The following ALMS1 variants were observed in gnomAD, a reference collection of about 807,000 sequenced individuals.
ALMS1 encodes the protein centrosome-associated protein ALMS1.
A neutral mutation model predicts 352.2 loss-of-function variants in ALMS1; 271 were observed. The ratio of observed to expected loss-of-function variants is 0.77; its 90% CI spans 0.70 to 0.85. ALMS1 has a LOEUF of 0.85. Among genes scored for constraint, ALMS1 ranks in the 40% least tolerant of loss-of-function variants. The probability of loss-of-function intolerance (pLI) is 0.00; values close to 1 mark genes in which losing one functional copy is unlikely to be tolerated. For synonymous variants in ALMS1, 1,865 were observed against 1,761.2 expected, an observed-to-expected ratio of 1.06 and a Z score of -1.48; for missense variants, 5,445 against 4,870.7, an observed-to-expected ratio of 1.12 and a Z score of -3.51.
At chr2:73,511,277 G>A (rs957917199) in intron 10 of ALMS1, among the ~76,000 whole-genome samples, 1 of 149,420 alleles carries the variant, frequency 6.7e-6, no homozygotes, top group African/African-American at 2.5e-5. Flanking sequence ...TGCCCAAATG[G>A]CCGCTCAGTT....
At chr2:73,416,095 A>T (rs147619404) in intron 2 of ALMS1, among the ~76,000 whole-genome samples, 1 of 152,286 alleles carries the variant, frequency 6.6e-6, no homozygotes, top group East Asian at 1.9e-4. Flanking sequence ...CCATGGTCAG[A>T]GAGGCTAAGA....
At chr2:73,523,683 C>A (rs538482608) in intron 11 of ALMS1, among the ~76,000 whole-genome samples, 1 of 152,080 alleles carries the variant, frequency 6.6e-6, no homozygotes, top group Non-Finnish European at 1.5e-5. Context: ...AGGAGAATTG[C>A]TTGAACCCGG....
intron 21 of ALMS1, among the ~76,000 whole-genome samples, chr2:73,608,024 C>G (rs538519479): frequency 2.6e-5 from 4 of 152,144 alleles, no homozygotes; most frequent in Non-Finnish European, 5.9e-5. Flanking sequence ...TTCCGAACCT[C>G]CTTCCACCAG....
intron 9 of ALMS1, among the ~76,000 whole-genome samples, chr2:73,477,222 T>A (rs1295952167): frequency 6.6e-6 from 1 of 152,126 alleles, no homozygotes; most frequent in Non-Finnish European, 1.5e-5. Flanking sequence ...TTGAGTTGTT[T>A]CAGCACTGTT....
chr2:73,535,084 C>T, intron 12 of ALMS1, 135 bp downstream of exon 12: 1 of 1,103,178 alleles, frequency 9.1e-7, no homozygotes, highest in Non-Finnish European at 1.4e-6. Context: ...ACCTTGATCT[C>T]TGGTTCAGAT....
chr2:73,396,510 C>G (rs1365774205), intron 1 of ALMS1, among the ~76,000 whole-genome samples: 2 of 117,914 alleles, frequency 1.7e-5, no homozygotes, highest in Middle Eastern at 6.7e-3. Context: ...GGCATTAATT[C>G]TTTGAAAGTT....
At position 73,453,464 on chromosome 2, in the gene ALMS1, A is replaced by G. The variant is rs766346478; in HGVS notation, c.6937A>G (p.Asn2313Asp). The change falls in exon 8 of 23, where the codon AAT becomes GAT. Residue 2313 changes from asparagine to aspartate, a missense_variant. Coordinates refer to ENST00000613296, the MANE Select transcript of ALMS1 (RefSeq NM_001378454.1). ...AGAACCCTCTTCCACGGGTGTATCT[A>G]ATGGTGATTTGCTTCACAGACAGCC... The part of the protein sequence containing the change: ...FKEPSSTGVS[N>D]GDLLHRQPFT... The G allele has an allele frequency of 1.9e-5, 30 of 1,613,338 alleles. No individual in the cohort carries two copies. The highest frequency in any genetic ancestry group is 2.5e-5 in the Non-Finnish European group (29 of 1,179,712).
At chr2:73,417,102 A>C (rs1048934667) in intron 2 of ALMS1, among the ~76,000 whole-genome samples, 4 of 152,214 alleles carry the variant, frequency 2.6e-5, no homozygotes, top group Non-Finnish European at 4.4e-5. Flanking sequence ...CACACACACA[A>C]AAAAAGAAAA....
intron 10 of ALMS1, among the ~76,000 whole-genome samples, chr2:73,514,284 T>A (rs1307452470): frequency 6.6e-6 from 1 of 152,176 alleles, no homozygotes; most frequent in Non-Finnish European, 1.5e-5. Context: ...TAATTATTTT[T>A]ATTCCATGCT....
At position 73,386,149 on chromosome 2, in the gene ALMS1, C is replaced by T. The variant is rs763023186; in HGVS notation, c.281C>T (p.Pro94Leu). 21 of 1,556,368 alleles carry T rather than the reference C, an allele frequency of 1.3e-5. No homozygotes were observed. Among genetic ancestry groups the T allele is most frequent in the South Asian group, 4.7e-5 (4 of 84,282 alleles). ...PGRILPPLSP[P>L]QHRYSEGERT... Reference sequence around the variant, plus strand: ...AGGATTTTGCCTCCGCTGTCGCCCCCGCAGCACCGCTACTCGGAGGGCGAG... The same window carrying T: ...AGGATTTTGCCTCCGCTGTCGCCCCTGCAGCACCGCTACTCGGAGGGCGAG... Residue 94 changes from proline to leucine, a missense_variant, in exon 1 of 23, where the codon CCG becomes CTG. Transcript: ENST00000613296.
intron 8 of ALMS1, chr2:73,454,359 G>A (rs1483579153): frequency 1.0e-6 from 1 of 985,164 alleles, no homozygotes; most frequent in African/African-American, 1.7e-5. Context: ...AGATTCTGAT[G>A]TATGACAGAG....
chr2:73,485,769 T>C (rs1430975796), intron 9 of ALMS1, among the ~76,000 whole-genome samples: 2 of 152,110 alleles, frequency 1.3e-5, no homozygotes, highest in Non-Finnish European at 2.9e-5. Context: ...CGGGGTATAA[T>C]CTCGTGGTGC....
chr2:73,385,880 G>T lies in ALMS1; in HGVS notation c.12G>T (p.Glu4Asp). The change falls in exon 1 of 23, where the codon GAG becomes GAT. Residue 4 changes from glutamate to aspartate, a missense_variant. Coordinates refer to ENST00000613296, the MANE Select transcript of ALMS1 (RefSeq NM_001378454.1). ...AGCGAGACACCAACATGGAGCCCGAGGATCTGCCATGGCCGGGCGAGCTGG... is the reference window on the plus strand; with the variant it reads ...AGCGAGACACCAACATGGAGCCCGATGATCTGCCATGGCCGGGCGAGCTGG... MEP[E>D]DLPWPGELEE... The T allele has an allele frequency of 1.3e-6, 1 of 787,654 alleles. No individual in the cohort carries two copies. Among genetic ancestry groups the T allele is most frequent in the East Asian group, 2.7e-5 (1 of 37,398 alleles). 48.8% of individuals were successfully genotyped at this position (787,654 alleles called of 1,614,324 possible). A position where few individuals can be genotyped will look rare whatever the true frequency, so the allele number is the denominator to read the frequency against.
intron 9 of ALMS1, among the ~76,000 whole-genome samples, chr2:73,473,554 A>G (rs930444364): frequency 6.6e-6 from 1 of 152,098 alleles, no homozygotes; most frequent in Non-Finnish European, 1.5e-5. Flanking sequence ...TTCAAAGGAA[A>G]AAAGAGAAAT....
intron 1 of ALMS1, among the ~76,000 whole-genome samples, chr2:73,391,291 A>ATTATTTTT (rs1670639813): frequency 1.0e-5 from 1 of 96,786 alleles, no homozygotes; most frequent in Non-Finnish European, 1.9e-5. Context: ...TATACGTTTT[A>ATTATTTTT]TTCTTTTTTT....
Position 73,408,653 on chromosome 2 carries a change from A to G in ALMS1, c.356A>G (p.Gln119Arg), listed in dbSNP as rs371516347. 2.7e-5 allele frequency: 44 copies of G among 1,613,548 alleles called. No homozygotes were observed. The African/African-American group carries it at 4.7e-4, about 17-fold the overall frequency. Residue 119 changes from glutamine to arginine, a missense_variant, in exon 2 of 23, where the codon CAG becomes CGG. Coordinates refer to ENST00000613296, the MANE Select transcript of ALMS1 (RefSeq NM_001378454.1). ...IVPLTCHVWQ[Q>R]IVYQGNSRTQ... ...CCATTGACCTGTCATGTATGGCAACAGATAGTATATCAAGGCAATAGTAGA... is the reference window on the plus strand; with the variant it reads ...CCATTGACCTGTCATGTATGGCAACGGATAGTATATCAAGGCAATAGTAGA...
chr2:73,474,393 G>C (rs1206178172), intron 9 of ALMS1, among the ~76,000 whole-genome samples: 3 of 57,592 alleles, frequency 5.2e-5, no homozygotes, highest in South Asian at 6.1e-4. Flanking sequence ...GTGTGTGTGT[G>C]TGTGTGTGTG....
intron 9 of ALMS1, among the ~76,000 whole-genome samples, chr2:73,482,738 T>C (rs1672738884): frequency 6.6e-6 from 1 of 152,126 alleles, no homozygotes; most frequent in Non-Finnish European, 1.5e-5. Flanking sequence ...AGCTATTGAT[T>C]ATTGCCACAA....
intron 15 of ALMS1, among the ~76,000 whole-genome samples, chr2:73,570,724 A>G (rs140543442): frequency 3.1e-4 from 47 of 152,332 alleles, no homozygotes; most frequent in South Asian, 1.9e-3. Flanking sequence ...CCAGAGCAGC[A>G]TTGGAGGAAC....
Sources: gnomAD v4.1 joint callset for allele counts (sites outside exome capture counted in the v4.1 genomes callset) on GRCh38, gnomAD v4.1.1 for gene constraint, MANE v1.5 for transcripts, NCBI Gene and HGNC (gene_info 2026-07-23, HGNC 2026-07-21) for gene names.